Variants in RFX7 observed in about 807,000 individuals in gnomAD.
RFX7 encodes regulatory factor X7.
In RFX7, 26 loss-of-function variants were observed where a neutral mutation model predicts 111.8. The ratio of observed to expected loss-of-function variants is 0.23; its 90% confidence interval spans 0.17 to 0.32. The LOEUF is 0.32. Ranked by LOEUF, RFX7 falls within the 10% of genes least tolerant of loss-of-function variation. The pLI is 1.00. For synonymous variants in RFX7, 624 were observed against 624.4 expected (o/e 1.00, Z 0.01); for missense variants, 1,573 against 1,772.9 (o/e 0.89, Z 2.02).
chr15:56,133,601 C>A (rs1187305284), intron 5 of RFX7, among the ~76,000 whole-genome samples: 1 of 152,004 alleles, frequency 6.6e-6, no homozygotes, highest in African/African-American at 2.4e-5. Flanking sequence ...ATAATGAGTG[C>A]CTAATGATTG....
In RFX7 at chr15:56,173,163, T is replaced by C. The variant is rs78629564; in HGVS notation, c.195+6107A>G. On this transcript the variant is annotated intron_variant, in intron 3 of 9. Transcript: ENST00000559447. ...AAGAAAAATAAACAGCTTCAAAATT[T>C]ACACAAATCCCTATGTAGATTTGGA... 7.7e-4 allele frequency among the ~76,000 whole-genome samples: 117 copies of C among 152,304 alleles called. 1 individual carries two copies. In the East Asian group the frequency reaches 0.018, roughly 23 times the overall value.
rs1326389926 is a variant in RFX7, at chr15:56,136,580, C to T, written c.401+6198G>A. On this transcript the variant is annotated intron_variant, in intron 5 of 9. Transcript: ENST00000559447. ...TCTGCAAACAGGGACAATTTGACTTCCTCTTTTCCTAATTGAATACCCTTT... is the reference window on the plus strand; with the variant it reads ...TCTGCAAACAGGGACAATTTGACTTTCTCTTTTCCTAATTGAATACCCTTT... 1.1e-3 allele frequency among the ~76,000 whole-genome samples: 172 copies of T among 150,074 alleles called. 1 individual carries two copies. The highest frequency in any genetic ancestry group is 4.2e-3 in the African/African-American group (170 of 40,818).
intron 2 of RFX7, among the ~76,000 whole-genome samples, chr15:56,228,729 C>G (rs748431139): frequency 6.6e-6 from 1 of 152,050 alleles, no homozygotes; most frequent in Admixed American, 6.5e-5. Flanking sequence ...TGAATTCCAC[C>G]TTGGAGGACT....
At chr15:56,111,661 C>CAAAAAAAAAAAAAAAA (rs371681721) in intron 5 of RFX7, among the ~76,000 whole-genome samples, 4 of 95,576 alleles carry the variant, frequency 4.2e-5, no homozygotes, top group South Asian at 4.0e-4. Flanking sequence ...ATAAATAAAC[C>CAAAAAAAAAAAAAAAA]AAAAAAAAAA....
Position 56,153,269 on chromosome 15 carries a change from T to TC in RFX7, c.196-8787dup, listed in dbSNP as rs1219421855. The stretch of plus-strand genomic sequence containing the variant: ...AGAGACACAACGAAAAAAGAAAATT[T>TC]CAGGCCAATATCCCTGATGAACATC... On this transcript the variant is annotated intron_variant, in intron 3 of 9. Transcript: ENST00000559447. 5.3e-5 allele frequency among the ~76,000 whole-genome samples: 8 copies of TC among 152,254 alleles called. No individual in the cohort carries two copies. In the East Asian group the frequency reaches 1.2e-3, roughly 22 times the overall value.
At chr15:56,132,741 TTA>T (rs1166121044) in intron 5 of RFX7, among the ~76,000 whole-genome samples, 3 of 152,088 alleles carry the variant, frequency 2.0e-5, no homozygotes, top group African/African-American at 4.8e-5. Flanking sequence ...TGAAAAACAT[TTA>T]TGTTTTAATA....
At chr15:56,190,287 T>C (rs2043087049) in intron 2 of RFX7, among the ~76,000 whole-genome samples, 1 of 152,200 alleles carries the variant, frequency 6.6e-6, no homozygotes, top group Non-Finnish European at 1.5e-5. Context: ...GGGAGTGCAG[T>C]GCAGTGCAGC....
At chr15:56,146,022 A>T (rs1244082067) in intron 3 of RFX7, among the ~76,000 whole-genome samples, 2 of 152,140 alleles carry the variant, frequency 1.3e-5, no homozygotes. Context: ...AATTTCTAAA[A>T]TGTCTAACCA....
chr15:56,125,167 T>C (rs1274415059), intron 5 of RFX7, among the ~76,000 whole-genome samples: 1 of 152,200 alleles, frequency 6.6e-6, no homozygotes, highest in Admixed American at 6.5e-5. Context: ...TGGCTGTAGA[T>C]TGTGGATTAA....
At chr15:56,189,310 T>C (rs1188083309) in intron 2 of RFX7, among the ~76,000 whole-genome samples, 1 of 150,798 alleles carries the variant, frequency 6.6e-6, no homozygotes, top group Non-Finnish European at 1.5e-5. Context: ...AGCCCAGGAG[T>C]TCAAGGCTTC....
rs1266049651 is a variant in RFX7 at position 56,088,959 on chromosome 15, C to T, written c.*4386G>A. On this transcript the variant is annotated 3_prime_UTR_variant, in exon 10 of 10. Transcript: ENST00000559447. ...ATTGTAAGCCCCTCAAAGGTGGGTA[C>T]AAGATCTTACTCATCTTACCTAGCT... The T allele has an allele frequency of 6.6e-6, 1 of 152,172 alleles. No homozygotes were observed. Among genetic ancestry groups the T allele is most frequent in the African/African-American group, 2.4e-5 (1 of 41,444 alleles). 9.4% of individuals were successfully genotyped at this position (152,172 alleles called of 1,614,324 possible).
At chr15:56,154,083 T>C (rs1489187243) in intron 3 of RFX7, among the ~76,000 whole-genome samples, 2 of 151,956 alleles carry the variant, frequency 1.3e-5, no homozygotes, top group Non-Finnish European at 2.9e-5. Context: ...ACAAGGGACG[T>C]GAAGGATTTC....
chr15:56,196,558 C>T (rs1168264585), intron 2 of RFX7, among the ~76,000 whole-genome samples: 1 of 151,942 alleles, frequency 6.6e-6, no homozygotes, highest in Admixed American at 6.6e-5. Flanking sequence ...TGTGTCCAGA[C>T]CCCTCCCCAA....
intron 2 of RFX7, among the ~76,000 whole-genome samples, chr15:56,190,070 C>T (rs1016665689): frequency 9.2e-5 from 14 of 152,130 alleles, no homozygotes; most frequent in African/African-American, 3.1e-4. Context: ...TATACTGAGC[C>T]ATATAAAACA....
chr15:56,158,325 A>C (rs1376462276), intron 3 of RFX7, among the ~76,000 whole-genome samples: 1 of 152,166 alleles, frequency 6.6e-6, no homozygotes, highest in Non-Finnish European at 1.5e-5. Context: ...AAATGCTCAT[A>C]ATTTTTGTGA....
At chr15:56,112,568 G>T (rs1313840310) in intron 5 of RFX7, among the ~76,000 whole-genome samples, 1 of 152,048 alleles carries the variant, frequency 6.6e-6, no homozygotes, top group Non-Finnish European at 1.5e-5. Flanking sequence ...GAAAATCTAG[G>T]CAATACCATT....
At chr15:56,137,152 C>T (rs1260832675) in intron 5 of RFX7, among the ~76,000 whole-genome samples, 1 of 152,074 alleles carries the variant, frequency 6.6e-6, no homozygotes, top group Non-Finnish European at 1.5e-5. Flanking sequence ...GGAGGATTCC[C>T]TCTTTTTCTA....
At chr15:56,136,194 A>G (rs1206095240) in intron 5 of RFX7, among the ~76,000 whole-genome samples, 6 of 150,638 alleles carry the variant, frequency 4.0e-5, no homozygotes, top group Non-Finnish European at 7.4e-5. Flanking sequence ...TGAATCTGTA[A>G]ATTACCTTGG....
At chr15:56,134,740 G>C (rs1243301762) in intron 5 of RFX7, among the ~76,000 whole-genome samples, 3 of 151,602 alleles carry the variant, frequency 2.0e-5, no homozygotes, top group African/African-American at 7.3e-5. Context: ...TCTAGCATTA[G>C]GTATATCTCC....
Sources: gnomAD v4.1 joint callset for allele counts (sites outside exome capture counted in the v4.1 genomes callset) on GRCh38, gnomAD v4.1.1 for gene constraint, MANE v1.5 for transcripts, NCBI Gene and HGNC (gene_info 2026-07-23, HGNC 2026-07-21) for gene names.